SLC45A4: variants seen among roughly 807,000 people sequenced by gnomAD.
The protein encoded by SLC45A4 is polyamine-transporter SLC45A4.
Under a neutral mutation model 63.7 loss-of-function variants are expected in SLC45A4, and 32 were observed. That is an observed-to-expected ratio of 0.50 (90% CI 0.38 to 0.67). The LOEUF is 0.67. SLC45A4 is among the 30% of genes least tolerant of loss of function. The pLI, the probability that SLC45A4 is intolerant of heterozygous loss-of-function variation, is 0.00. For missense variants in SLC45A4, 1,027 were observed against 1,157.7 expected (o/e 0.89, Z 1.64); for synonymous variants, 535 against 510.0 (o/e 1.05, Z -0.66).
chr8:141,300,703 C>G (rs1830713329), intron 1 of SLC45A4, among the ~76,000 whole-genome samples: 1 of 152,272 alleles, frequency 6.6e-6, no homozygotes, highest in Non-Finnish European at 1.5e-5. Flanking sequence ...CCATGTCAGT[C>G]TTCTCTGCTT....
At chr8:141,270,805 C>G (rs932759662) in intron 1 of SLC45A4, among the ~76,000 whole-genome samples, 3 of 152,138 alleles carry the variant, frequency 2.0e-5, no homozygotes, top group African/African-American at 7.2e-5. Flanking sequence ...GCCCAGGGGG[C>G]TCCCTGGACC....
chr8:141,216,015 G>C, intron 6 of SLC45A4, 45 bp from the exon 7 acceptor site: 1 of 1,549,808 alleles, frequency 6.5e-7, no homozygotes, highest in African/African-American at 1.4e-5. Context: ...CAGGCGGCTG[G>C]CTCCTGTCGG....
In SLC45A4 at chr8:141,229,814, C is replaced by A. The variant is rs1254771079; in HGVS notation, c.242-8049G>T. Among the ~76,000 whole-genome samples, 1 of 152,188 alleles carries A rather than the reference C, an allele frequency of 6.6e-6. No homozygotes were observed. The highest frequency in any genetic ancestry group is 1.5e-5 in the Non-Finnish European group (1 of 68,046). On this transcript the variant is annotated intron_variant, in intron 2 of 8. Coordinates refer to ENST00000517878, the MANE Select transcript of SLC45A4 (RefSeq NM_001286646.2). This position sits in a 1 kb window ranked among gnomAD's most constrained non-coding sequence, Gnocchi z 5.0. ...TCGGCTCTGAGCTTGCAGCCCACCC[C>A]ACTCTGGCTGCGGGACTTTGGAGCA...
intron 1 of SLC45A4, among the ~76,000 whole-genome samples, chr8:141,275,909 AACTTT>A (rs1022076352): frequency 1.3e-5 from 2 of 151,152 alleles, no homozygotes; most frequent in African/African-American, 2.5e-5. Flanking sequence ...ATAGGACCTA[AACTTT>A]ACTTTTTTTT....
intron 1 of SLC45A4, among the ~76,000 whole-genome samples, chr8:141,280,709 G>C (rs767476966): frequency 6.6e-6 from 1 of 152,184 alleles, no homozygotes; most frequent in African/African-American, 2.4e-5. Flanking sequence ...GTTTTTGTTC[G>C]TGTAATGCGA....
intron 2 of SLC45A4, chr8:141,224,963 T>C (rs550900548): frequency 6.6e-6 from 1 of 152,410 alleles, no homozygotes; most frequent in African/African-American, 2.4e-5. Context: ...ATCTGGTTCA[T>C]TTTCTATTTT....
rs1825644336 is a variant in SLC45A4, at chr8:141,208,612, G to A, written c.*2960C>T. 1 of 152,314 alleles carries A rather than the reference G, an allele frequency of 6.6e-6. No individual in the cohort carries two copies. Among genetic ancestry groups the A allele is most frequent in the Admixed American group, 6.5e-5 (1 of 15,292 alleles). 9.4% of individuals were successfully genotyped at this position (152,314 alleles called of 1,614,324 possible). The stretch of plus-strand genomic sequence containing the variant: ...AGCACACAGCACTGACGTGTTCAGT[G>A]GCAGGTTGGAGGATTCCAGCTAAGG... On this transcript the variant is annotated 3_prime_UTR_variant, in exon 9 of 9. Coordinates refer to ENST00000517878, the MANE Select transcript of SLC45A4 (RefSeq NM_001286646.2).
Position 141,256,835 on chromosome 8 carries a change from T to C in SLC45A4, c.-400-2206A>G. On this transcript the variant is annotated intron_variant, in intron 1 of 8. Coordinates refer to ENST00000517878, the MANE Select transcript of SLC45A4 (RefSeq NM_001286646.2). The surrounding 1 kb of genome is among the most constrained non-coding windows in gnomAD (Gnocchi z 4.3). ...CAAACTGTCACCTTACTGCAATATT[T>C]TTTCAAAAAACTGTGTAATGAAACT... 2.9e-6 allele frequency: 1 copy of C among 341,002 alleles called. No homozygotes were observed. The highest frequency in any genetic ancestry group is 5.9e-6 in the Non-Finnish European group (1 of 170,440). The allele number at this position is 341,002 out of a possible 1,614,324, so 21.1% of individuals were successfully genotyped here.
intron 2 of SLC45A4, among the ~76,000 whole-genome samples, chr8:141,250,671 T>C (rs1238310316): frequency 6.6e-6 from 1 of 152,128 alleles, no homozygotes; most frequent in Non-Finnish European, 1.5e-5. Flanking sequence ...TGAGCCAGAG[T>C]GCCCAGCCTG....
Position 141,217,179 on chromosome 8 carries a change from T to C in SLC45A4, c.1640A>G (p.Asn547Ser), listed in dbSNP as rs751474213. 2 of 1,613,262 alleles carry C rather than the reference T, an allele frequency of 1.2e-6. No individual in the cohort carries two copies. Among genetic ancestry groups the C allele is most frequent in the African/African-American group, 2.7e-5 (2 of 74,836 alleles). The change falls in exon 6 of 9, where the codon AAC becomes AGC. Residue 547 changes from asparagine to serine, a missense_variant. Transcript: ENST00000517878. ...GTTGTAGGCTTGCCAGGCGGTCGAG[T>C]TCGAGGGGGCCTGTTCCGGAAATGA... Reference protein sequence around the residue: ...IFEGDPKAPSNSTAWQAYNAG... With the variant: ...IFEGDPKAPSSSTAWQAYNAG...
chr8:141,232,539 T>G (rs1827412011), intron 2 of SLC45A4, among the ~76,000 whole-genome samples: 1 of 152,126 alleles, frequency 6.6e-6, no homozygotes, highest in African/African-American at 2.4e-5. Flanking sequence ...AGGTGAGCAC[T>G]CAGGAGCTGC....
intron 5 of SLC45A4, 136 bp from the exon 6 acceptor site, chr8:141,217,325 G>T: frequency 1.2e-6 from 1 of 859,324 alleles, no homozygotes; most frequent in Non-Finnish European, 1.8e-6. Flanking sequence ...CAGGAGGAGA[G>T]CCCAGCCCAA....
chr8:141,304,767 G>A (rs928075786), intron 1 of SLC45A4, among the ~76,000 whole-genome samples: 14 of 152,086 alleles, frequency 9.2e-5, no homozygotes, highest in African/African-American at 3.4e-4. Flanking sequence ...CACCCACGTC[G>A]TCTGAGGTGG....
chr8:141,275,024 T>C (rs1438155180), intron 1 of SLC45A4, among the ~76,000 whole-genome samples: 1 of 152,248 alleles, frequency 6.6e-6, no homozygotes, highest in East Asian at 1.9e-4. Flanking sequence ...GGGAAGTGGC[T>C]GGACAACTCT....
intron 1 of SLC45A4, among the ~76,000 whole-genome samples, chr8:141,260,010 G>A (rs1367961328): frequency 2.6e-5 from 4 of 152,144 alleles, no homozygotes; most frequent in Admixed American, 2.6e-4. Flanking sequence ...CGGCTTATGC[G>A]TCCCTGAAGT....
chr8:141,265,190 A>AC (rs1476911685), intron 1 of SLC45A4, among the ~76,000 whole-genome samples: 8 of 152,186 alleles, frequency 5.3e-5, no homozygotes, highest in African/African-American at 1.9e-4. Context: ...AACAGTGGAC[A>AC]CCTCGAGGCC....
At chr8:141,303,228 C>G (rs936400684) in intron 1 of SLC45A4, among the ~76,000 whole-genome samples, 6 of 151,928 alleles carry the variant, frequency 3.9e-5, no homozygotes, top group African/African-American at 1.5e-4. Context: ...AACTCCTGGG[C>G]TCAGGCAATC....
chr8:141,220,500 C>T (rs757192455), intron 3 of SLC45A4, among the ~76,000 whole-genome samples: 5 of 152,190 alleles, frequency 3.3e-5, no homozygotes, highest in Admixed American at 1.3e-4. Flanking sequence ...GGGGAGTCTG[C>T]CCCTGAATCC....
intron 1 of SLC45A4, among the ~76,000 whole-genome samples, chr8:141,284,025 C>T (rs190964951): frequency 5.3e-5 from 8 of 152,282 alleles, no homozygotes; most frequent in African/African-American, 1.7e-4. Flanking sequence ...ATGGCAGGAG[C>T]TTCCTTTAAC....
Sources: allele counts gnomAD v4.1 joint callset (sites outside exome capture counted in the v4.1 genomes callset), GRCh38; gene constraint gnomAD v4.1.1; non-coding constraint Gnocchi (gnomAD v3.1); transcripts MANE v1.5; gene names NCBI Gene and HGNC (gene_info 2026-07-23, HGNC 2026-07-21).